The following CNOT4 variants were observed in gnomAD, a reference collection of about 807,000 sequenced individuals.
CNOT4 encodes CCR4-associated factor 4.
Under a neutral mutation model 73.8 loss-of-function variants are expected in CNOT4, and 8 were observed. The observed-to-expected ratio is 0.11, with a 90% confidence interval of 0.06 to 0.20. The LOEUF is 0.20. Ranked by LOEUF, CNOT4 falls within the 10% of genes least tolerant of loss-of-function variation. CNOT4 has a pLI of 1.00. For missense variants in CNOT4, 564 were observed against 883.4 expected (o/e 0.64, Z 4.58); for synonymous variants, 293 against 321.1 (o/e 0.91, Z 0.94).
At chr7:135,445,676 G>A (rs1298496676) in intron 1 of CNOT4, among the ~76,000 whole-genome samples, 1 of 151,746 alleles carries the variant, frequency 6.6e-6, no homozygotes, top group East Asian at 1.9e-4. Context: ...TCGCACAATG[G>A]GAATCTCTAA....
At chr7:135,432,521 T>A (rs1585634453) in intron 2 of CNOT4, among the ~76,000 whole-genome samples, 1 of 152,226 alleles carries the variant, frequency 6.6e-6, no homozygotes, top group Non-Finnish European at 1.5e-5. Flanking sequence ...CTTTTAATTT[T>A]ATCTTTTTCT....
At chr7:135,394,915 CT>C (rs905187461) in intron 9 of CNOT4, among the ~76,000 whole-genome samples, 2 of 152,022 alleles carry the variant, frequency 1.3e-5, no homozygotes, top group Non-Finnish European at 2.9e-5. Flanking sequence ...GTCAATGTTA[CT>C]TTTATGCCAC....
chr7:135,430,486 T>A (rs993317036), intron 2 of CNOT4, among the ~76,000 whole-genome samples: 30 of 151,592 alleles, frequency 2.0e-4, no homozygotes, highest in African/African-American at 5.6e-4. Flanking sequence ...AGACAAAAAA[T>A]TTTTTTTAAT....
At chr7:135,426,257 A>G (rs1457725612) in intron 2 of CNOT4, among the ~76,000 whole-genome samples, 1 of 152,040 alleles carries the variant, frequency 6.6e-6, no homozygotes, top group African/African-American at 2.4e-5. Flanking sequence ...GAATAACTGC[A>G]GACAGTGAGA....
chr7:135,429,928 A>G (rs1022662179), intron 2 of CNOT4, among the ~76,000 whole-genome samples: 22 of 152,234 alleles, frequency 1.4e-4, no homozygotes, highest in African/African-American at 4.8e-4. Context: ...AAATTAGAAG[A>G]GGCTGAGACA....
At chr7:135,430,354 T>C (rs1230742246) in intron 2 of CNOT4, among the ~76,000 whole-genome samples, 1 of 152,180 alleles carries the variant, frequency 6.6e-6, no homozygotes, top group African/African-American at 2.4e-5. Flanking sequence ...AAAATTAACA[T>C]AGGCCAGACG....
chr7:135,407,990 A>G lies in CNOT4; in HGVS notation c.821+2525T>C, dbSNP rs192429424. Among the ~76,000 whole-genome samples the G allele has an allele frequency of 2.0e-5, 3 of 152,344 alleles. No homozygotes were observed. The East Asian group carries it at 5.8e-4, about 29-fold the overall frequency. ...TGGGAAACATAAACTCACAGTGCATAAAAAGTTCACTCTGTTAATCAAATA... is the reference window on the plus strand; with the variant it reads ...TGGGAAACATAAACTCACAGTGCATGAAAAGTTCACTCTGTTAATCAAATA... On this transcript the variant is annotated intron_variant, in intron 7 of 11. Transcript: ENST00000541284.
chr7:135,462,139 G>A (rs904188856), intron 1 of CNOT4, among the ~76,000 whole-genome samples: 23 of 151,784 alleles, frequency 1.5e-4, no homozygotes, highest in African/African-American at 5.1e-4. Flanking sequence ...ATTTTTAAAA[G>A]AGAAAACAAA....
At chr7:135,462,100 A>G (rs1800912869) in intron 1 of CNOT4, among the ~76,000 whole-genome samples, 1 of 151,940 alleles carries the variant, frequency 6.6e-6, no homozygotes, top group South Asian at 2.1e-4. Context: ...ATGTTTGAAC[A>G]GAAGGAAAAA....
chr7:135,384,600 G>A lies in CNOT4; in HGVS notation c.1627+9318C>T, dbSNP rs1434938257. On this transcript the variant is annotated intron_variant, in intron 10 of 11. Transcript: ENST00000541284. The stretch of plus-strand genomic sequence containing the variant: ...GCGCCTGGCCACCCACCTCTCTTAA[G>A]CTATACCACATGCTCGTCTCAGGAG... 10 of 752,768 alleles carry A rather than the reference G, an allele frequency of 1.3e-5. No homozygotes were observed. The Admixed American group carries it at 1.8e-4, about 13-fold the overall frequency. 46.6% of individuals were successfully genotyped at this position (752,768 alleles called of 1,614,324 possible).
chr7:135,486,189 C>T (rs1802707423), intron 1 of CNOT4, among the ~76,000 whole-genome samples: 1 of 151,594 alleles, frequency 6.6e-6, no homozygotes, highest in African/African-American at 2.4e-5. Context: ...CTAGAAAAGT[C>T]TCAAGAGATT....
chr7:135,476,120 A>G (rs565476449), intron 1 of CNOT4, among the ~76,000 whole-genome samples: 1 of 152,326 alleles, frequency 6.6e-6, no homozygotes, highest in South Asian at 2.1e-4. Context: ...AAAAAGATAC[A>G]TCACTACAAT....
chr7:135,444,381 G>A (rs532708440), intron 1 of CNOT4: 488 of 694,588 alleles, frequency 7.0e-4, no homozygotes, highest in Non-Finnish European at 1.2e-3. Flanking sequence ...TCCATCAATG[G>A]AGGCATACAC....
chr7:135,502,330 C>T lies in CNOT4; in HGVS notation c.-93+7559G>A, dbSNP rs186322827. Among the ~76,000 whole-genome samples the T allele has an allele frequency of 2.4e-3, 358 of 152,314 alleles. 1 individual carries two copies. The highest frequency in any genetic ancestry group is 8.4e-3 in the African/African-American group (348 of 41,572). ...TCATCTTCTTCAGGAAGCCTCACTCCTAGGACTTTAGTCTGAAGATATCCC... is the reference window on the plus strand; with the variant it reads ...TCATCTTCTTCAGGAAGCCTCACTCTTAGGACTTTAGTCTGAAGATATCCC... On this transcript the variant is annotated intron_variant, in intron 1 of 11. Transcript: ENST00000541284.
At chr7:135,451,621 T>C (rs1230029743) in intron 1 of CNOT4, among the ~76,000 whole-genome samples, 2 of 152,154 alleles carry the variant, frequency 1.3e-5, no homozygotes, top group Admixed American at 6.5e-5. Flanking sequence ...AAAGAAATCA[T>C]ACATGTTCTC....
intron 10 of CNOT4, among the ~76,000 whole-genome samples, chr7:135,382,419 C>T (rs1050793475): frequency 2.0e-5 from 3 of 152,166 alleles, no homozygotes; most frequent in East Asian, 1.9e-4. Context: ...CAAGGTTTCA[C>T]AAACATAGTA....
chr7:135,362,442 C>T lies in CNOT4; in HGVS notation c.*443G>A, dbSNP rs1280516312. The T allele has an allele frequency of 1.4e-5, 4 of 285,512 alleles. No individual in the cohort carries two copies. Among genetic ancestry groups the T allele is most frequent in the Non-Finnish European group, 2.7e-5 (4 of 146,228 alleles). The allele number at this position is 285,512 out of a possible 1,614,324, so 17.7% of individuals were successfully genotyped here. ...AGATGGATGCTAGGACCACTGCTTT[C>T]CCCCATGCATTTAGCAATCTCACGT... On this transcript the variant is annotated 3_prime_UTR_variant, in exon 12 of 12. Transcript: ENST00000541284.
intron 10 of CNOT4, among the ~76,000 whole-genome samples, chr7:135,372,176 C>T (rs541364361): frequency 3.3e-5 from 5 of 152,318 alleles, no homozygotes; most frequent in African/African-American, 4.8e-5. Flanking sequence ...TCCTTGCTGA[C>T]GATCTCTCTT....
intron 1 of CNOT4, among the ~76,000 whole-genome samples, chr7:135,461,601 G>C (rs911057851): frequency 6.6e-6 from 1 of 152,136 alleles, no homozygotes; most frequent in African/African-American, 2.4e-5. Context: ...GGAGGCCGAG[G>C]CAGGTGGATT....
Sources: allele counts gnomAD v4.1 joint callset (sites outside exome capture counted in the v4.1 genomes callset), GRCh38; gene constraint gnomAD v4.1.1; transcripts MANE v1.5; gene names NCBI Gene and HGNC (gene_info 2026-07-23, HGNC 2026-07-21).